TTLL5: variants seen among roughly 807,000 people sequenced by gnomAD.
TTLL5 encodes tubulin polyglutamylase TTLL5.
A neutral mutation model predicts 168.4 loss-of-function variants in TTLL5; 132 were observed. That is an observed-to-expected ratio of 0.78 (90% confidence interval 0.68 to 0.91). The LOEUF (loss-of-function observed/expected upper bound fraction) is 0.91, where lower values mean the gene tolerates loss of function less well. Among genes scored for constraint, TTLL5 ranks in the 40% least tolerant of loss-of-function variants. The pLI is 0.00. For missense variants in TTLL5, 1,545 were observed against 1,581.5 expected, an observed-to-expected ratio of 0.98 and a Z score of 0.39; for synonymous variants, 546 against 558.6, an observed-to-expected ratio of 0.98 and a Z score of 0.32.
chr14:75,853,490 G>A (rs943332882), intron 28 of TTLL5, among the ~76,000 whole-genome samples: 3 of 152,166 alleles, frequency 2.0e-5, no homozygotes, highest in African/African-American at 7.2e-5. Context: ...TTGGTAGTCC[G>A]TAAGCACCTA....
Position 75,944,073 on chromosome 14 carries a change from A to G in TTLL5, c.3824-10351A>G, listed in dbSNP as rs147256762. ...TTCCTTCCTGCTCTGAAGCTTTTTGATAAACTTTCCCTCCTGCTCTAAAAC... is the reference window on the plus strand; with the variant it reads ...TTCCTTCCTGCTCTGAAGCTTTTTGGTAAACTTTCCCTCCTGCTCTAAAAC... On this transcript the variant is annotated intron_variant, in intron 31 of 31. Coordinates refer to ENST00000298832, the MANE Select transcript of TTLL5 (RefSeq NM_015072.5). Among the ~76,000 whole-genome samples the G allele has an allele frequency of 3.3e-3, 502 of 152,072 alleles. 4 individuals are homozygous for G. The highest frequency in any genetic ancestry group is 0.011 in the African/African-American group (467 of 41,468).
chr14:75,880,975 G>A (rs1034613082), intron 29 of TTLL5, among the ~76,000 whole-genome samples: 9 of 152,216 alleles, frequency 5.9e-5, no homozygotes, highest in Non-Finnish European at 1.2e-4. Context: ...GTGCAGTGGT[G>A]CAGTCTTCAC....
At chr14:75,879,143 G>T (rs1335843312) in intron 29 of TTLL5, among the ~76,000 whole-genome samples, 1 of 152,194 alleles carries the variant, frequency 6.6e-6, no homozygotes, top group African/African-American at 2.4e-5. Flanking sequence ...CCAGAAGGGA[G>T]AAAAAGTACA....
At chr14:75,792,783 T>G (rs926625132) in intron 26 of TTLL5, 133 bp from the exon 27 acceptor site, 2 of 707,538 alleles carry the variant, frequency 2.8e-6, no homozygotes, top group African/African-American at 3.6e-5. Context: ...TGAAGATAGT[T>G]TATTTCTCCT....
At chr14:75,745,319 A>G in intron 16 of TTLL5, 111 bp downstream of exon 16, 1 of 1,239,670 alleles carries the variant, frequency 8.1e-7, no homozygotes, top group Non-Finnish European at 1.1e-6. Flanking sequence ...GAAAAGAGAA[A>G]GATTCAAGAT....
intron 27 of TTLL5, among the ~76,000 whole-genome samples, chr14:75,793,623 T>G (rs2042516): frequency 0.77 from 116,535 of 152,104 alleles, 44,922 homozygotes; most frequent in Admixed American, 0.81. Context: ...GAGGCTGAAA[T>G]AAGTGATGTG....
chr14:75,721,379 C>T (rs551793933), intron 12 of TTLL5, among the ~76,000 whole-genome samples: 9 of 152,200 alleles, frequency 5.9e-5, no homozygotes, highest in African/African-American at 2.2e-4. Flanking sequence ...TGTGATTGCC[C>T]ATGTGAATGT....
At chr14:75,873,971 A>T (rs1486523256) in intron 29 of TTLL5, among the ~76,000 whole-genome samples, 1 of 152,158 alleles carries the variant, frequency 6.6e-6, no homozygotes, top group Non-Finnish European at 1.5e-5. Flanking sequence ...ACTAATAGTT[A>T]CTTACTTGAA....
chr14:75,698,761 T>A (rs1279544023), intron 6 of TTLL5, among the ~76,000 whole-genome samples: 1 of 151,882 alleles, frequency 6.6e-6, no homozygotes, highest in Admixed American at 6.6e-5. Context: ...AACAATTAGC[T>A]GGGCATGGTG....
At chr14:75,707,393 A>G (rs1053047029) in intron 8 of TTLL5, among the ~76,000 whole-genome samples, 1 of 152,106 alleles carries the variant, frequency 6.6e-6, no homozygotes, top group Non-Finnish European at 1.5e-5. Flanking sequence ...ATTAATGTAT[A>G]TATACATTAT....
At chr14:75,914,619 GTTTTTT>G (rs10571332) in intron 31 of TTLL5, among the ~76,000 whole-genome samples, 4 of 96,056 alleles carry the variant, frequency 4.2e-5, no homozygotes, top group Non-Finnish European at 6.1e-5. Flanking sequence ...CACTACTCTT[GTTTTTT>G]TTTTTTTTTT....
At chr14:75,712,525 G>A (rs977229230) in intron 9 of TTLL5, 3 of 149,794 alleles carry the variant, frequency 2.0e-5, no homozygotes, top group Admixed American at 6.7e-5. Flanking sequence ...AAGAACATGT[G>A]GGGTCATATT....
intron 10 of TTLL5, 68 bp from the exon 11 acceptor site, chr14:75,719,667 G>T: frequency 7.4e-7 from 1 of 1,344,700 alleles, no homozygotes; most frequent in South Asian, 1.6e-5. Flanking sequence ...AAGGCTATTT[G>T]CAAAGAGTCT....
chr14:75,722,224 C>T (rs936462982), intron 12 of TTLL5, among the ~76,000 whole-genome samples: 2 of 152,038 alleles, frequency 1.3e-5, no homozygotes, highest in African/African-American at 4.8e-5. Context: ...AGATTTAGTT[C>T]TCCACATTGC....
At chr14:75,805,166 C>T (rs974734234) in intron 27 of TTLL5, among the ~76,000 whole-genome samples, 2 of 152,232 alleles carry the variant, frequency 1.3e-5, no homozygotes, top group African/African-American at 4.8e-5. Flanking sequence ...ACTTCAGTCA[C>T]TATTTTTAAT....
rs768040028 is a variant in TTLL5 at position 75,820,181 on chromosome 14, A to G, written c.3326+20A>G. ...AAGCAGGTATGTGAAGGGCCCTGCA[A>G]CTAGCATTTGGGTTACTCAGGGATG... On this transcript the variant is annotated intron_variant, in intron 28 of 31. Transcript: ENST00000298832. The G allele has an allele frequency of 5.1e-6, 8 of 1,555,942 alleles. No homozygotes were observed. The East Asian group carries it at 7.2e-5, about 14-fold the overall frequency.
intron 12 of TTLL5, among the ~76,000 whole-genome samples, chr14:75,721,178 T>C (rs1887814255): frequency 6.6e-6 from 1 of 152,096 alleles, no homozygotes; most frequent in Admixed American, 6.5e-5. Flanking sequence ...TCTTCCACTT[T>C]CTTTTCTCTT....
chr14:75,814,792 G>A (rs1470837073), intron 27 of TTLL5: 1 of 152,166 alleles, frequency 6.6e-6, no homozygotes. Flanking sequence ...CTAGAGCTGT[G>A]CTGTGCAATA....
intron 3 of TTLL5, among the ~76,000 whole-genome samples, chr14:75,672,371 G>A (rs1362201540): frequency 2.0e-5 from 3 of 151,920 alleles, no homozygotes; most frequent in Non-Finnish European, 2.9e-5. Context: ...TCAGCCTCCC[G>A]AGTAGCTGGG....
Sources: gnomAD v4.1 joint callset for allele counts (sites outside exome capture counted in the v4.1 genomes callset) on GRCh38, gnomAD v4.1.1 for gene constraint, MANE v1.5 for transcripts, NCBI Gene and HGNC (gene_info 2026-07-23, HGNC 2026-07-21) for gene names.